ZNF317: variants seen among roughly 807,000 people sequenced by gnomAD.
ZNF317 encodes KRAB-containing zinc finger protein 317.
In ZNF317, 17 loss-of-function variants were observed where a neutral mutation model predicts 23.4. That is an observed-to-expected ratio of 0.73 (90% CI 0.50 to 1.09). The LOEUF is 1.09. ZNF317 is among the 50% of genes least tolerant of loss of function. The pLI, the probability that ZNF317 is intolerant of heterozygous loss-of-function variation, is 0.00. For synonymous variants in ZNF317, 317 were observed against 314.9 expected (o/e 1.01, Z -0.07); for missense variants, 679 against 796.7 (o/e 0.85, Z 1.78).
At position 9,156,001 on chromosome 19, in the gene ZNF317, C is replaced by G. The variant is rs369798398; in HGVS notation, c.-16C>G. 57 of 1,614,098 alleles carry G rather than the reference C, an allele frequency of 3.5e-5. No individual in the cohort carries two copies. The highest frequency in any genetic ancestry group is 4.6e-5 in the Non-Finnish European group (54 of 1,180,044). ...CTGGTGCCCTGCTCAGGCAAACTGA[C>G]TGCCATTCTCTGAGGATGGCAGCTC... On this transcript the variant is annotated 5_prime_UTR_variant, in exon 2 of 7. Coordinates refer to ENST00000247956, the MANE Select transcript of ZNF317 (RefSeq NM_020933.5).
At chr19:9,153,476 G>T (rs138988841) in intron 1 of ZNF317, among the ~76,000 whole-genome samples, 1 of 152,150 alleles carries the variant, frequency 6.6e-6, no homozygotes, top group South Asian at 2.1e-4. Flanking sequence ...ACTGGTTTTT[G>T]TATGAGATGT....
In ZNF317 at chr19:9,160,983, C is replaced by A; in HGVS notation, c.1338C>A (p.Tyr446Ter). ...ACTCTCACACTGGAGAGAAACCATACGGGTGCGATCTCTGCGGGAAAGCTT... is the reference window on the plus strand; with the variant it reads ...ACTCTCACACTGGAGAGAAACCATAAGGGTGCGATCTCTGCGGGAAAGCTT... ...HMNSHTGEKP[Y>*]GCDLCGKAFS... Residue 446 changes from tyrosine (Y) to a stop codon, truncating the protein, a stop_gained, in exon 7 of 7, where the codon TAC becomes TAA. Transcript: ENST00000247956. LOFTEE classifies it low-confidence loss of function (END_TRUNC). This position sits in a 1 kb window ranked among gnomAD's most constrained non-coding sequence, Gnocchi z 6.8. The A allele has an allele frequency of 6.2e-7, 1 of 1,614,230 alleles. No individual in the cohort carries two copies. The highest frequency in any genetic ancestry group is 8.5e-7 in the Non-Finnish European group (1 of 1,180,040).
Position 9,160,570 on chromosome 19 carries a change from G to C in ZNF317, c.925G>C (p.Asp309His), listed in dbSNP as rs1365757958. The change falls in exon 7 of 7, where the codon GAT becomes CAT. Residue 309 changes from aspartate to histidine, a missense_variant. Transcript: ENST00000247956. The surrounding 1 kb of genome is among the most constrained non-coding windows in gnomAD (Gnocchi z 6.8). ...CACTGGCGAGAGGCCTTACAAGTGT[G>C]ATCAGTGCGGGAAGGCTTACGGCCG... ...VHTGERPYKC[D>H]QCGKAYGRSC... is the part of the protein sequence containing the mutation. 3.1e-6 allele frequency: 5 copies of C among 1,614,060 alleles called. No individual in the cohort carries two copies. The highest frequency in any genetic ancestry group is 4.2e-6 in the Non-Finnish European group (5 of 1,180,040).
chr19:9,148,198 C>T (rs1057011176), intron 1 of ZNF317, among the ~76,000 whole-genome samples: 5 of 152,176 alleles, frequency 3.3e-5, no homozygotes, highest in Non-Finnish European at 2.9e-5. Context: ...TACCCAGTCT[C>T]AGGTATTTCT....
Position 9,157,144 on chromosome 19 carries a change from C to T in ZNF317, c.163-124C>T, listed in dbSNP as rs543799958. The T allele has an allele frequency of 2.5e-6, 3 of 1,223,530 alleles. No homozygotes were observed. The East Asian group carries it at 7.2e-5, about 29-fold the overall frequency. The allele number at this position is 1,223,530 out of a possible 1,614,324, so 75.8% of individuals were successfully genotyped here. ...TGATGCCTGGAGGAAATGTTGAGCC[C>T]CGTAGCAGGCCATCTGGAAATCCTG... On this transcript the variant is annotated intron_variant, in intron 3 of 6. Transcript: ENST00000247956.
rs1424163088 is a variant in ZNF317 at position 9,161,290 on chromosome 19, A to G, written c.1645A>G (p.Arg549Gly). Residue 549 changes from arginine (R) to glycine (G), a missense_variant, in exon 7 of 7, where the codon AGG becomes GGG. Physicochemically the swap from Arg to Gly is moderately radical, Grantham distance 125. Transcript: ENST00000247956. The surrounding 1 kb of genome is among the most constrained non-coding windows in gnomAD (Gnocchi z 4.0). ...FSIGSNLNVH[R>G]RIHTGEKPYE... ...CATAGGCTCCAACCTGAATGTGCAC[A>G]GGCGGATCCACACCGGGGAGAAGCC... 3 of 1,613,754 alleles carry G rather than the reference A, an allele frequency of 1.9e-6. No homozygotes were observed. The highest frequency in any genetic ancestry group is 8.5e-7 in the Non-Finnish European group (1 of 1,179,792).
chr19:9,156,814 G>GCA lies in ZNF317; in HGVS notation c.162+67_162+68insAC. The GCA allele has an allele frequency of 1.6e-5, 25 of 1,560,784 alleles. No individual in the cohort carries two copies. In the South Asian group the frequency reaches 2.6e-4, roughly 16 times the overall value. ...TTCCTGGAAGACCCCACCAGTGCAT[G>GCA]CTGGAATTCTTGCAGAGCTTCATCT... On this transcript the variant is annotated intron_variant, in intron 3 of 6. Transcript: ENST00000247956.
At chr19:9,157,855 G>A (rs2050802598) in intron 4 of ZNF317, 125 bp from the exon 5 acceptor site, 6 of 1,406,414 alleles carry the variant, frequency 4.3e-6, no homozygotes, top group Non-Finnish European at 5.6e-6. Context: ...CCACCATTTT[G>A]CTGCTCCTAA....
At position 9,146,618 on chromosome 19, in the gene ZNF317, CGGGGTTTCACCATGTTG is replaced by C. The variant is rs2050685655; in HGVS notation, c.-93+6028_-93+6044del. On this transcript the variant is annotated intron_variant, in intron 1 of 6. Transcript: ENST00000247956. The stretch of plus-strand genomic sequence containing the variant: ...AATTTTTTTGTATTTTTAGTAGAAA[CGGGGTTTCACCATGTTG>C]GCCAGGCCAGTCTTGAACTCCTGAC... Among the ~76,000 whole-genome samples, 3 of 151,116 alleles carry C rather than the reference CGGGGTTTCACCATGTTG, an allele frequency of 2.0e-5. No individual in the cohort carries two copies. The South Asian group carries it at 6.3e-4, about 32-fold the overall frequency.
rs1176357030 is a variant in ZNF317 at position 9,163,256 on chromosome 19, G to A, written c.*1823G>A. 5 of 152,084 alleles carry A rather than the reference G, an allele frequency of 3.3e-5. No homozygotes were observed. The highest frequency in any genetic ancestry group is 4.8e-5 in the African/African-American group (2 of 41,402). The allele number at this position is 152,084 out of a possible 1,614,324, so 9.4% of individuals were successfully genotyped here. ...CTAGTATTGGAAGATCCACCTTAAC[G>A]ACCGTGCATATGAAAACCACAGTCT... On this transcript the variant is annotated 3_prime_UTR_variant, in exon 7 of 7. Transcript: ENST00000247956.
intron 1 of ZNF317, among the ~76,000 whole-genome samples, chr19:9,153,780 G>T (rs190797079): frequency 2.0e-5 from 3 of 152,126 alleles, no homozygotes; most frequent in African/African-American, 4.8e-5. Flanking sequence ...CCACATTTTC[G>T]TGAGACTCTA....
At chr19:9,144,727 T>G (rs2050668219) in intron 1 of ZNF317, among the ~76,000 whole-genome samples, 1 of 152,216 alleles carries the variant, frequency 6.6e-6, no homozygotes. Flanking sequence ...CATCATTTCT[T>G]GTTTCATTAT....
At chr19:9,157,512 C>T (rs2050797126) in intron 4 of ZNF317, 118 bp downstream of exon 4, 1 of 1,356,662 alleles carries the variant, frequency 7.4e-7, no homozygotes, top group African/African-American at 1.4e-5. Flanking sequence ...ACAAGCAGCC[C>T]CAGCACCCAT....
In ZNF317 at chr19:9,150,566, GGA is replaced by G. The variant is rs543206767; in HGVS notation, c.-92-5355_-92-5354del. On this transcript the variant is annotated intron_variant, in intron 1 of 6. Coordinates refer to ENST00000247956, the MANE Select transcript of ZNF317 (RefSeq NM_020933.5). Reference sequence around the variant, plus strand: ...ACAATGTGGACCTGTGGGAGATGGGGGAGAGGGGCCCAGGGGAACCCTGACCT... The same window carrying G: ...ACAATGTGGACCTGTGGGAGATGGGGGAGGGGCCCAGGGGAACCCTGACCT... Among the ~76,000 whole-genome samples the G allele has an allele frequency of 2.4e-3, 366 of 152,306 alleles. 2 individuals carry two copies. Among genetic ancestry groups the G allele is most frequent in the African/African-American group, 8.5e-3 (353 of 41,562 alleles).
chr19:9,146,038 G>C (rs994409023), intron 1 of ZNF317, among the ~76,000 whole-genome samples: 1 of 151,728 alleles, frequency 6.6e-6, no homozygotes, highest in South Asian at 2.1e-4. Context: ...TATTTACTTA[G>C]GGCTTTTGTT....
Position 9,157,592 on chromosome 19 carries a change from G to A in ZNF317, c.289+198G>A, listed in dbSNP as rs577181510. The A allele has an allele frequency of 2.8e-5, 19 of 673,628 alleles. No individual in the cohort carries two copies. The African/African-American group carries it at 3.1e-4, about 11-fold the overall frequency. 41.7% of individuals were successfully genotyped at this position (673,628 alleles called of 1,614,324 possible). On this transcript the variant is annotated intron_variant, in intron 4 of 6. Transcript: ENST00000247956. ...GGACCATGGTGGTTCTCCGGTGTGT[G>A]TCTGAGCTTGGCATGGGCTTCTGAA...
chr19:9,162,175 G>A lies in ZNF317; in HGVS notation c.*742G>A, dbSNP rs1379576029. On this transcript the variant is annotated 3_prime_UTR_variant, in exon 7 of 7. Coordinates refer to ENST00000247956, the MANE Select transcript of ZNF317 (RefSeq NM_020933.5). ...TTGGCAATGTCTAGAGACATTTTTGGTAGTTAGAATGGGGGGAAGATACTC... is the reference window on the plus strand; with the variant it reads ...TTGGCAATGTCTAGAGACATTTTTGATAGTTAGAATGGGGGGAAGATACTC... 2 of 152,062 alleles carry A rather than the reference G, an allele frequency of 1.3e-5. No homozygotes were observed. Among genetic ancestry groups the A allele is most frequent in the Non-Finnish European group, 2.9e-5 (2 of 68,026 alleles). The allele number at this position is 152,062 out of a possible 1,614,324, so 9.4% of individuals were successfully genotyped here. A position where few individuals can be genotyped will look rare whatever the true frequency, so the allele number is the denominator to read the frequency against.
At position 9,158,084 on chromosome 19, in the gene ZNF317, G is replaced by C. The variant is rs1257432668; in HGVS notation, c.385+9G>C. 6.5e-7 allele frequency: 1 copy of C among 1,549,112 alleles called. No individual in the cohort carries two copies. Among genetic ancestry groups the C allele is most frequent in the South Asian group, 1.2e-5 (1 of 83,834 alleles). ...CCAGGGCGCTTGTGCAGGTGAGCGA[G>C]CCCCAGGCAAAGAGCGGTGCTGTGA... On this transcript the variant is annotated intron_variant, in intron 5 of 6. Transcript: ENST00000247956.
intron 1 of ZNF317, among the ~76,000 whole-genome samples, chr19:9,142,729 T>C (rs17304520): frequency 0.067 from 10,132 of 152,232 alleles, 351 homozygotes; most frequent in Middle Eastern, 0.12. Context: ...TTCTATCCTG[T>C]AGTGTGGCAA....
Sources: allele counts gnomAD v4.1 joint callset (sites outside exome capture counted in the v4.1 genomes callset), GRCh38; gene constraint gnomAD v4.1.1; non-coding constraint Gnocchi (gnomAD v3.1); transcripts MANE v1.5; gene names NCBI Gene and HGNC (gene_info 2026-07-23, HGNC 2026-07-21).